Variants in ZFPM2 observed in about 807,000 individuals in gnomAD.
The protein encoded by ZFPM2 is zinc finger protein, FOG family member 2, also known as zinc finger protein ZFPM2.
ZFPM2 carries 20 observed loss-of-function variants against 98.6 expected under a neutral mutation model. The observed-to-expected ratio is 0.20, with a 90% CI of 0.14 to 0.29. ZFPM2 has a LOEUF of 0.29. ZFPM2 is among the 10% of genes least tolerant of loss of function. The pLI, the probability that ZFPM2 is intolerant of heterozygous loss-of-function variation, is 1.00. For missense variants in ZFPM2, 1,310 were observed against 1,388.6 expected (o/e 0.94, Z 0.90); for synonymous variants, 518 against 502.7 (o/e 1.03, Z -0.41).
intron 5 of ZFPM2, among the ~76,000 whole-genome samples, chr8:105,738,580 C>G (rs147642118): frequency 2.6e-5 from 4 of 152,090 alleles, no homozygotes; most frequent in African/African-American, 9.6e-5. Context: ...GTTTTTAGGT[C>G]TTGGAAAAAT....
chr8:105,767,272 C>T (rs545601950), intron 5 of ZFPM2, among the ~76,000 whole-genome samples: 11 of 151,924 alleles, frequency 7.2e-5, no homozygotes, highest in South Asian at 6.2e-4. Flanking sequence ...CAGCAATGCA[C>T]GCAAAATATT....
rs1332742204 is a variant in ZFPM2, at chr8:105,773,722, C to T, written c.533-14996C>T. ...ATAAAATAAATAAAATAAACAAAAC[C>T]CCCCACCACCATTTCTTTGTGAATA... On this transcript the variant is annotated intron_variant, in intron 5 of 7. Coordinates refer to ENST00000407775, the MANE Select transcript of ZFPM2 (RefSeq NM_012082.4). 7.3e-5 allele frequency among the ~76,000 whole-genome samples: 11 copies of T among 149,742 alleles called. No homozygotes were observed. The East Asian group carries it at 1.6e-3, about 21-fold the overall frequency.
In ZFPM2 at chr8:105,803,312, C is replaced by T. The variant is rs1814102142; in HGVS notation, c.3230C>T (p.Ser1077Leu). Residue 1077 changes from serine to leucine, a missense_variant, in exon 8 of 8, where the codon TCG becomes TTG. By Grantham distance (145) the Ser-to-Leu change is moderately radical. Transcript: ENST00000407775. ...PQHEDDHKSPSWISENPLAAN... is the reference protein window; with the variant it reads ...PQHEDDHKSPLWISENPLAAN... ...CACGAAGACGACCACAAATCTCCCT[C>T]GTGGATCTCTGAGAACCCATTAGCT... The T allele has an allele frequency of 3.8e-6, 6 of 1,597,140 alleles. No individual in the cohort carries two copies. The highest frequency in any genetic ancestry group is 1.3e-5 in the African/African-American group (1 of 74,354).
intron 1 of ZFPM2, chr8:105,418,646 C>G: frequency 1.9e-6 from 1 of 515,012 alleles, no homozygotes; most frequent in South Asian, 1.4e-5. Context: ...ATAATGAAAT[C>G]TTTTCTCAGA....
intron 1 of ZFPM2, among the ~76,000 whole-genome samples, chr8:105,330,598 A>G (rs1485635082): frequency 5.8e-5 from 1 of 17,112 alleles, no homozygotes; most frequent in African/African-American, 3.7e-4. Context: ...ATATATACAT[A>G]TATATATATA....
chr8:105,563,103 C>T (rs1241323919), intron 4 of ZFPM2, among the ~76,000 whole-genome samples: 1 of 152,130 alleles, frequency 6.6e-6, no homozygotes, highest in Non-Finnish European at 1.5e-5. Flanking sequence ...TTTTAAATGA[C>T]CCTATCTATG....
At chr8:105,361,893 T>C (rs1323657714) in intron 1 of ZFPM2, among the ~76,000 whole-genome samples, 1 of 151,510 alleles carries the variant, frequency 6.6e-6, no homozygotes, top group Admixed American at 6.6e-5. Flanking sequence ...TATATTTACC[T>C]ACACTATTTA....
intron 3 of ZFPM2, among the ~76,000 whole-genome samples, chr8:105,521,264 A>G (rs1006281973): frequency 6.6e-6 from 1 of 152,100 alleles, no homozygotes; most frequent in Non-Finnish European, 1.5e-5. Flanking sequence ...AGCAATTTCT[A>G]GAAGATGGAA....
intron 5 of ZFPM2, among the ~76,000 whole-genome samples, chr8:105,720,754 T>C (rs1441139608): frequency 6.6e-6 from 1 of 151,812 alleles, no homozygotes; most frequent in East Asian, 1.9e-4. Context: ...AAAATAGATA[T>C]ATAGATAAGG....
intron 5 of ZFPM2, among the ~76,000 whole-genome samples, chr8:105,775,559 C>T (rs1813086716): frequency 6.6e-6 from 1 of 152,096 alleles, no homozygotes; most frequent in African/African-American, 2.4e-5. Flanking sequence ...GGAGTTACAT[C>T]AGTTTATTGC....
intron 1 of ZFPM2, among the ~76,000 whole-genome samples, chr8:105,332,252 T>TA (rs1812247368): frequency 6.6e-6 from 1 of 151,738 alleles, no homozygotes; most frequent in African/African-American, 2.4e-5. Context: ...GCCCATAACT[T>TA]ACGTATTTGT....
intron 1 of ZFPM2, among the ~76,000 whole-genome samples, chr8:105,416,118 GA>G: frequency 6.6e-6 from 1 of 151,532 alleles, no homozygotes; most frequent in African/African-American, 2.4e-5. Context: ...CAAAAACCTT[GA>G]TAAATAAAAG....
intron 2 of ZFPM2, among the ~76,000 whole-genome samples, chr8:105,443,335 A>AC (rs1563661210): frequency 1.3e-5 from 2 of 151,328 alleles, no homozygotes; most frequent in African/African-American, 4.9e-5. Flanking sequence ...ACAAAAAAAA[A>AC]AAAACTTGGC....
intron 3 of ZFPM2, among the ~76,000 whole-genome samples, chr8:105,506,621 A>G (rs899426866): frequency 6.6e-6 from 1 of 152,304 alleles, no homozygotes; most frequent in African/African-American, 2.4e-5. Context: ...TTTTTTACTT[A>G]TAAGAAACAT....
intron 3 of ZFPM2, among the ~76,000 whole-genome samples, chr8:105,491,337 A>G (rs1172514590): frequency 6.6e-6 from 1 of 152,112 alleles, no homozygotes; most frequent in Non-Finnish European, 1.5e-5. Context: ...AAAAAACTGC[A>G]TGTGTCTTTC....
intron 5 of ZFPM2, among the ~76,000 whole-genome samples, chr8:105,721,049 C>T (rs1310743117): frequency 1.3e-5 from 2 of 151,888 alleles, no homozygotes; most frequent in Non-Finnish European, 2.9e-5. Flanking sequence ...CCCATGCAGG[C>T]AAAACCCTGA....
intron 4 of ZFPM2, among the ~76,000 whole-genome samples, chr8:105,591,228 C>T (rs960685524): frequency 2.0e-5 from 3 of 151,050 alleles, no homozygotes; most frequent in African/African-American, 7.3e-5. Context: ...ATTAAATTTT[C>T]AGAACTTCTT....
At chr8:105,675,675 TAAA>T (rs1218021762) in intron 5 of ZFPM2, among the ~76,000 whole-genome samples, 1 of 151,982 alleles carries the variant, frequency 6.6e-6, no homozygotes, top group African/African-American at 2.4e-5. Context: ...TGTAAATAAA[TAAA>T]AAGCCCAATT....
intron 1 of ZFPM2, among the ~76,000 whole-genome samples, chr8:105,417,562 T>C (rs1671095447): frequency 6.6e-6 from 1 of 152,198 alleles, no homozygotes; most frequent in African/African-American, 2.4e-5. Context: ...ATAATTTGTC[T>C]CTTGAAATTA....
Sources: allele counts gnomAD v4.1 joint callset (sites outside exome capture counted in the v4.1 genomes callset), GRCh38; gene constraint gnomAD v4.1.1; transcripts MANE v1.5; gene names NCBI Gene and HGNC (gene_info 2026-07-23, HGNC 2026-07-21).